MOXD1: variants seen among roughly 807,000 people sequenced by gnomAD.
MOXD1 encodes DBH-like monooxygenase protein 1.
Under a neutral mutation model 66.6 loss-of-function variants are expected in MOXD1, and 62 were observed. That is an observed-to-expected ratio of 0.93 (90% CI 0.76 to 1.15). The LOEUF (loss-of-function observed/expected upper bound fraction) is 1.15, where lower values mean the gene tolerates loss of function less well. MOXD1 is among the 50% of genes most tolerant of loss of function. MOXD1 has a pLI of 0.00. For synonymous variants in MOXD1, 303 were observed against 281.9 expected (o/e 1.07, Z -0.75); for missense variants, 847 against 754.6 (o/e 1.12, Z -1.44).
At chr6:132,353,749 A>G (rs1775852251) in intron 4 of MOXD1, among the ~76,000 whole-genome samples, 1 of 152,130 alleles carries the variant, frequency 6.6e-6, no homozygotes, top group Non-Finnish European at 1.5e-5. Flanking sequence ...TTATCTCCCC[A>G]AATATGTTTC....
At chr6:132,322,624 G>A in intron 8 of MOXD1, 55 bp downstream of exon 8, 2 of 1,543,774 alleles carry the variant, frequency 1.3e-6, no homozygotes, top group South Asian at 2.5e-5. Flanking sequence ...CATCTCAGCA[G>A]ATATGTCTCA....
intron 4 of MOXD1, among the ~76,000 whole-genome samples, chr6:132,370,109 A>G (rs1776235187): frequency 6.6e-6 from 1 of 152,142 alleles, no homozygotes. Flanking sequence ...TTTGCAGAAG[A>G]AAAGGACTGA....
Position 132,296,952 on chromosome 6 carries a change from A to G in MOXD1, c.*201T>C. 2.0e-6 allele frequency: 1 copy of G among 488,574 alleles called. No individual in the cohort carries two copies. The highest frequency in any genetic ancestry group is 3.6e-6 in the Non-Finnish European group (1 of 277,792). 30.3% of individuals were successfully genotyped at this position (488,574 alleles called of 1,614,324 possible). On this transcript the variant is annotated 3_prime_UTR_variant, in exon 12 of 12. Coordinates refer to ENST00000367963, the MANE Select transcript of MOXD1 (RefSeq NM_015529.4). ...GTTTTATTTTATTGACCATGTATAT[A>G]TAACATCAGATATTTCTAAGAAAGA...
chr6:132,400,312 G>C (rs1190942326), intron 1 of MOXD1, among the ~76,000 whole-genome samples: 1 of 152,134 alleles, frequency 6.6e-6, no homozygotes, highest in Non-Finnish European at 1.5e-5. Context: ...ATAACAAAGC[G>C]TGTACGTTCA....
intron 1 of MOXD1, among the ~76,000 whole-genome samples, chr6:132,397,642 G>T (rs1562303274): frequency 1.6e-5 from 1 of 63,946 alleles, no homozygotes; most frequent in African/African-American, 7.4e-5. Context: ...GAGACAGAAA[G>T]AAAGAAAGAA....
intron 10 of MOXD1, among the ~76,000 whole-genome samples, chr6:132,300,194 A>T (rs1774501488): frequency 2.0e-5 from 3 of 152,146 alleles, no homozygotes; most frequent in African/African-American, 7.2e-5. Context: ...AAGTAAGAGC[A>T]ATCAGCATTG....
intron 4 of MOXD1, among the ~76,000 whole-genome samples, chr6:132,333,854 G>T (rs1274295783): frequency 6.6e-6 from 1 of 152,166 alleles, no homozygotes; most frequent in East Asian, 1.9e-4. Context: ...TAAAGGAACA[G>T]CCCAGAAACC....
rs748861542 is a variant in MOXD1, at chr6:132,315,715, A to G, written c.1428T>C (p.Asn476=). 5.6e-6 allele frequency: 9 copies of G among 1,613,376 alleles called. No homozygotes were observed. The highest frequency in any genetic ancestry group is 7.6e-6 in the Non-Finnish European group (9 of 1,179,538). The change falls in exon 10 of 12, where the codon AAT becomes AAC. Residue 476 remains asparagine, a synonymous_variant. Transcript: ENST00000367963. ...LSYLLYYPRI[N]LTRCASIPDI... ...CTGGAATACTTGCACATCGAGTAAG[A>G]TTAATTCTTGGGTAATAAAGAAGGT...
intron 4 of MOXD1, among the ~76,000 whole-genome samples, chr6:132,353,555 T>C (rs146291067): frequency 1.3e-5 from 2 of 152,352 alleles, no homozygotes; most frequent in African/African-American, 2.4e-5. Context: ...GGTTTTCCTT[T>C]ATAAGTTAAC....
intron 4 of MOXD1, among the ~76,000 whole-genome samples, chr6:132,348,764 T>C (rs764085168): frequency 6.6e-6 from 1 of 152,114 alleles, no homozygotes; most frequent in Non-Finnish European, 1.5e-5. Flanking sequence ...TCTTGGCAGA[T>C]AAAGGAAGAA....
chr6:132,359,311 G>C (rs1294393372), intron 4 of MOXD1, among the ~76,000 whole-genome samples: 1 of 151,930 alleles, frequency 6.6e-6, no homozygotes, highest in African/African-American at 2.4e-5. Flanking sequence ...CCATTACCCA[G>C]GGTGGTCTCG....
chr6:132,385,501 A>ATTATTT lies in MOXD1; in HGVS notation c.265-10725_265-10724insAAATAA, dbSNP rs1554237945. Among the ~76,000 whole-genome samples the ATTATTT allele has an allele frequency of 6.2e-3, 774 of 125,348 alleles. 7 individuals are homozygous for ATTATTT. The highest frequency in any genetic ancestry group is 0.022 in the African/African-American group (739 of 33,944). 82.2% of individuals were successfully genotyped at this position (125,348 alleles called of 152,430 possible). A position where few individuals can be genotyped will look rare whatever the true frequency, so the allele number is the denominator to read the frequency against. On this transcript the variant is annotated intron_variant, in intron 1 of 11. Coordinates refer to ENST00000367963, the MANE Select transcript of MOXD1 (RefSeq NM_015529.4). ...TATTATTATTATTATTATTATTATT[A>ATTATTT]GAGACACAGTTTCACTCCATTACCC...
chr6:132,365,012 A>G (rs1776090879), intron 4 of MOXD1, among the ~76,000 whole-genome samples: 2 of 152,116 alleles, frequency 1.3e-5, no homozygotes, highest in African/African-American at 4.8e-5. Flanking sequence ...TGAATACTTT[A>G]CATTTGCAGC....
At chr6:132,376,280 T>C (rs999158053) in intron 1 of MOXD1, among the ~76,000 whole-genome samples, 23 of 152,214 alleles carry the variant, frequency 1.5e-4, no homozygotes, top group Non-Finnish European at 1.0e-4. Context: ...GAAAATGTAA[T>C]ATATAAGATA....
At chr6:132,377,328 G>A (rs1262590964) in intron 1 of MOXD1, among the ~76,000 whole-genome samples, 1 of 152,204 alleles carries the variant, frequency 6.6e-6, no homozygotes, top group Non-Finnish European at 1.5e-5. Flanking sequence ...ATTTAGATCA[G>A]TTAACTGTGC....
At chr6:132,320,603 T>G in intron 9 of MOXD1, 26 bp downstream of exon 9, 2 of 1,563,192 alleles carry the variant, frequency 1.3e-6, no homozygotes, top group Non-Finnish European at 1.7e-6. Context: ...ATAAATGAAC[T>G]TTAATAATAA....
intron 4 of MOXD1, among the ~76,000 whole-genome samples, chr6:132,336,872 T>C (rs1582579728): frequency 6.6e-6 from 1 of 152,282 alleles, no homozygotes; most frequent in South Asian, 2.1e-4. Flanking sequence ...CCAGCCACAA[T>C]TGGTAAGTTC....
intron 1 of MOXD1, among the ~76,000 whole-genome samples, chr6:132,375,995 A>G (rs1410588416): frequency 6.6e-6 from 1 of 152,162 alleles, no homozygotes; most frequent in Admixed American, 6.5e-5. Flanking sequence ...TCTTTTTTGC[A>G]CCATAGTTTG....
intron 4 of MOXD1, among the ~76,000 whole-genome samples, chr6:132,337,326 AT>A (rs1286976014): frequency 1.3e-5 from 2 of 152,226 alleles, no homozygotes; most frequent in East Asian, 1.9e-4. Flanking sequence ...GCTACCTGAA[AT>A]TTTTTTCTTC....
Sources: allele counts gnomAD v4.1 joint callset (sites outside exome capture counted in the v4.1 genomes callset), GRCh38; gene constraint gnomAD v4.1.1; transcripts MANE v1.5; gene names NCBI Gene and HGNC (gene_info 2026-07-23, HGNC 2026-07-21).